DNAH11: variants seen among roughly 807,000 people sequenced by gnomAD.
DNAH11 encodes the protein dynein axonemal heavy chain 11.
DNAH11 carries 442 observed loss-of-function variants against 526.0 expected under a neutral mutation model. The observed-to-expected ratio is 0.84, with a 90% CI of 0.78 to 0.91. DNAH11 has a LOEUF of 0.91. Among genes scored for constraint, DNAH11 ranks in the 40% least tolerant of loss-of-function variants. The probability of loss-of-function intolerance (pLI) is 0.00; values close to 1 mark genes in which losing one functional copy is unlikely to be tolerated. For missense variants in DNAH11, 6,989 were observed against 5,448.7 expected (o/e 1.28, Z -8.90); for synonymous variants, 2,461 against 1,935.9 (o/e 1.27, Z -7.12).
intron 62 of DNAH11, among the ~76,000 whole-genome samples, chr7:21,806,333 C>G (rs1056299223): frequency 6.6e-6 from 1 of 152,134 alleles, no homozygotes; most frequent in East Asian, 1.9e-4. Flanking sequence ...ATGAGAGATT[C>G]CTCCTGAAAA....
rs542382255 is a variant in DNAH11 at position 21,837,688 on chromosome 7, A to C, written c.10692-4856A>C. ...ACACCATTATCAAGATATAATTTAC[A>C]TACTATATTACCATTTGACCACTTG... On this transcript the variant is annotated intron_variant, in intron 65 of 81. Coordinates refer to ENST00000409508, the MANE Select transcript of DNAH11 (RefSeq NM_001277115.2). 2.6e-5 allele frequency among the ~76,000 whole-genome samples: 4 copies of C among 152,284 alleles called. 1 individual carries two copies. In the South Asian group the frequency reaches 8.3e-4, roughly 32 times the overall value.
Position 21,876,008 on chromosome 7 carries a change from C to T in DNAH11, c.12195+2507C>T, listed in dbSNP as rs540886888. On this transcript the variant is annotated intron_variant, in intron 74 of 81. Transcript: ENST00000409508. ...ACGCCATTCTCCTGCCTCAGCCTCC[C>T]GAGTAGCTGGGACTACAGGTGCCTG... 4.6e-5 allele frequency among the ~76,000 whole-genome samples: 7 copies of T among 151,706 alleles called. No individual in the cohort carries two copies. In the South Asian group the frequency reaches 8.3e-4, roughly 18 times the overall value.
At chr7:21,777,101 C>T (rs1294636367) in intron 56 of DNAH11, among the ~76,000 whole-genome samples, 2 of 152,110 alleles carry the variant, frequency 1.3e-5, no homozygotes, top group Admixed American at 1.3e-4. Flanking sequence ...TCTTCCCCAC[C>T]TCCTGAATCC....
intron 54 of DNAH11, 32 bp from the exon 55 acceptor site, chr7:21,765,396 C>A (rs750220685): frequency 6.2e-7 from 1 of 1,612,974 alleles, no homozygotes; most frequent in East Asian, 2.2e-5. Flanking sequence ...TCATCACCCG[C>A]CTGTTTCTGC....
chr7:21,656,253 T>A (rs1782012151), intron 29 of DNAH11, among the ~76,000 whole-genome samples: 1 of 152,156 alleles, frequency 6.6e-6, no homozygotes, highest in African/African-American at 2.4e-5. Context: ...ATTGAATGAG[T>A]GACCCCAGAA....
At chr7:21,616,187 T>G (rs192854870) in intron 21 of DNAH11, 22 bp from the exon 22 acceptor site, 57 of 1,602,370 alleles carry the variant, frequency 3.6e-5, no homozygotes, top group Non-Finnish European at 4.6e-5. Flanking sequence ...GTTGACACTT[T>G]TATCTGCTTT....
chr7:21,674,524 C>G (rs1173911677), intron 30 of DNAH11, among the ~76,000 whole-genome samples: 3 of 152,100 alleles, frequency 2.0e-5, no homozygotes, highest in Non-Finnish European at 4.4e-5. Flanking sequence ...CCATGCCTGG[C>G]TAATGTTTTT....
chr7:21,673,196 A>G (rs181404764), intron 30 of DNAH11, among the ~76,000 whole-genome samples: 88 of 152,260 alleles, frequency 5.8e-4, no homozygotes, highest in African/African-American at 1.9e-3. Context: ...CTGGTCTGAT[A>G]CCCTGTTATC....
At chr7:21,744,674 T>C in intron 50 of DNAH11, 75 bp downstream of exon 50, 1 of 1,569,328 alleles carries the variant, frequency 6.4e-7, no homozygotes, top group Non-Finnish European at 8.6e-7. Context: ...TAGATGAGGG[T>C]ATGAGAGAAG....
At chr7:21,888,547 T>C (rs2128045730) in intron 76 of DNAH11, among the ~76,000 whole-genome samples, 1 of 152,166 alleles carries the variant, frequency 6.6e-6, no homozygotes, top group East Asian at 1.9e-4. Flanking sequence ...TGGAGTGCAG[T>C]GGTGTGATCT....
intron 28 of DNAH11, among the ~76,000 whole-genome samples, chr7:21,653,787 C>T (rs1001113919): frequency 6.6e-6 from 1 of 152,198 alleles, no homozygotes; most frequent in African/African-American, 2.4e-5. Flanking sequence ...ACTCGGAGGA[C>T]TTCTTGCTGT....
At chr7:21,588,233 A>T (rs754938743) in intron 10 of DNAH11, 32 bp downstream of exon 10, 2 of 1,595,454 alleles carry the variant, frequency 1.3e-6, no homozygotes. Flanking sequence ...ACACATTTAC[A>T]ATATCATTTA....
Position 21,901,121 on chromosome 7 carries a change from A to C in DNAH11, c.13418A>C (p.Lys4473Thr), listed in dbSNP as rs755601215. 6.2e-7 allele frequency: 1 copy of C among 1,613,136 alleles called. No homozygotes were observed. The highest frequency in any genetic ancestry group is 2.2e-5 in the East Asian group (1 of 44,884). ...KATPVDRQET[K>T]QTYECPVYRT... ...ACCCCCGTGGACAGACAAGAAACCAAACAGACCTACGAGTGCCCTGTGTAT... is the reference window on the plus strand; with the variant it reads ...ACCCCCGTGGACAGACAAGAAACCACACAGACCTACGAGTGCCCTGTGTAT... Residue 4473 changes from lysine (K) to threonine (T), a missense_variant, in exon 82 of 82, where the codon AAA (lysine) becomes ACA (threonine). Lys to Thr is a moderately conservative substitution (Grantham distance 78). Coordinates refer to ENST00000409508, the MANE Select transcript of DNAH11 (RefSeq NM_001277115.2).
intron 45 of DNAH11, among the ~76,000 whole-genome samples, chr7:21,727,637 A>T (rs185829909): frequency 6.6e-6 from 1 of 152,180 alleles, no homozygotes; most frequent in African/African-American, 2.4e-5. Flanking sequence ...CCTCAAAATC[A>T]TGTCATTCTG....
In DNAH11 at chr7:21,892,532, A is replaced by G. The variant is rs1784361161; in HGVS notation, c.12615A>G (p.Ala4205=). ...IEEMLPPESP[A]LYGLHPNAEI... ...AGATGCTTCCTCCAGAAAGCCCGGC[A>G]CTGTATGGCCTCCACCCAAATGCTG... The change falls in exon 77 of 82, where the codon GCA becomes GCG. Residue 4205 remains alanine (A), a synonymous_variant. Transcript: ENST00000409508. 6.2e-7 allele frequency: 1 copy of G among 1,613,972 alleles called. No homozygotes were observed.
intron 30 of DNAH11, among the ~76,000 whole-genome samples, chr7:21,670,539 G>C (rs1006443317): frequency 1.3e-4 from 20 of 151,142 alleles, no homozygotes; most frequent in African/African-American, 4.9e-4. Context: ...TCCTTTTTTT[G>C]AGCTATTGAA....
rs1214107334 is a variant in DNAH11 at position 21,779,100 on chromosome 7, G to GA, written c.9482dup (p.Val3162GlyfsTer7). 1 of 1,611,918 alleles carries GA rather than the reference G, an allele frequency of 6.2e-7. No individual in the cohort carries two copies. Among genetic ancestry groups the GA allele is most frequent in the African/African-American group, 1.3e-5 (1 of 74,854 alleles). On this transcript the variant is annotated frameshift_variant, in exon 57 of 82. Transcript: ENST00000409508. LOFTEE classifies it high-confidence loss of function. ...AAGACCATCGCTGATGCTGAGGAGC[G>GA]AAAGGTCAGGCTAATTCCAACATTT...
At chr7:21,875,421 GTTTT>G (rs1168610670) in intron 74 of DNAH11, among the ~76,000 whole-genome samples, 1 of 152,010 alleles carries the variant, frequency 6.6e-6, no homozygotes. Flanking sequence ...TCGTTTGTTT[GTTTT>G]GTTTTTTTGG....
chr7:21,597,314 C>T (rs1243590991), intron 14 of DNAH11, among the ~76,000 whole-genome samples: 12 of 152,098 alleles, frequency 7.9e-5, no homozygotes, highest in Non-Finnish European at 1.3e-4. Context: ...TCTGGGAGGT[C>T]AAGAGGGCTG....
Sources: gnomAD v4.1 joint callset for allele counts (sites outside exome capture counted in the v4.1 genomes callset) on GRCh38, gnomAD v4.1.1 for gene constraint, MANE v1.5 for transcripts, NCBI Gene and HGNC (gene_info 2026-07-23, HGNC 2026-07-21) for gene names.